Variants in MKI67 observed in about 807,000 individuals in gnomAD.
MKI67 encodes the protein marker of proliferation Ki-67.
Under a neutral mutation model 233.5 loss-of-function variants are expected in MKI67, and 152 were observed. The observed-to-expected ratio is 0.65, with a 90% CI of 0.57 to 0.74. MKI67 has a LOEUF of 0.74. MKI67 is among the 30% of genes least tolerant of loss of function. MKI67 has a pLI of 0.00. For missense variants in MKI67, 3,940 were observed against 3,885.2 expected (o/e 1.01, Z -0.37); for synonymous variants, 1,465 against 1,418.5 (o/e 1.03, Z -0.74).
At chr10:128,120,319 C>T (rs932602232) in intron 4 of MKI67, among the ~76,000 whole-genome samples, 8 of 152,018 alleles carry the variant, frequency 5.3e-5, no homozygotes, top group Non-Finnish European at 5.9e-5. Context: ...GGTGAAACGC[C>T]GTCTCTACTA....
In MKI67 at chr10:128,102,632, T is replaced by C. The variant is rs1393214145; in HGVS notation, c.9208A>G (p.Met3070Val). 6.2e-7 allele frequency: 1 copy of C among 1,614,254 alleles called. No homozygotes were observed. The highest frequency in any genetic ancestry group is 8.5e-7 in the Non-Finnish European group (1 of 1,180,040). ...EPAEELNSND[M>V]KTNKEEHKLQ... ...TTGTGTTCCTCTTTGTTGGTTTTCA[T>C]GTCGTTGCTGTTCAGCTCTTCCGCA... The change falls in exon 13 of 15, where the codon ATG becomes GTG. Residue 3070 changes from methionine to valine, a missense_variant. Met to Val is a conservative substitution (Grantham distance 21). Transcript: ENST00000368654.
In MKI67 at chr10:128,106,785, G is replaced by T; in HGVS notation, c.5055C>A (p.Asp1685Glu). 2 of 1,614,138 alleles carry T rather than the reference G, an allele frequency of 1.2e-6. No individual in the cohort carries two copies. Among genetic ancestry groups the T allele is most frequent in the African/African-American group, 1.3e-5 (1 of 75,038 alleles). ...AFMESPKQIL[D>E]SAASLTGSKR... is the part of the protein sequence containing the mutation. ...TGCTGCCAGTTAGACTTGCTGCTGA[G>T]TCTAAGATCTGCTTTGGAGACTCCA... The change falls in exon 13 of 15, where the codon GAC (aspartate) becomes GAA (glutamate). Residue 1685 changes from aspartate (D) to glutamate (E), a missense_variant. Physicochemically the swap from Asp to Glu is conservative, Grantham distance 45. Transcript: ENST00000368654.
At chr10:128,122,395 C>A (rs78112735) in intron 4 of MKI67, among the ~76,000 whole-genome samples, 9,363 of 152,180 alleles carry the variant, frequency 0.062, 382 homozygotes, top group Non-Finnish European at 0.094. Context: ...TTTTTAAATG[C>A]CCTCTTTCCA....
intron 12 of MKI67, 43 bp from the exon 13 acceptor site, chr10:128,109,466 T>A (rs1174520560): frequency 6.4e-7 from 1 of 1,561,840 alleles, no homozygotes; most frequent in African/African-American, 1.4e-5. Context: ...TATTAGTGTC[T>A]CATGTCAATC....
intron 14 of MKI67, 115 bp from the exon 15 acceptor site, chr10:128,099,370 C>G: frequency 1.8e-6 from 1 of 556,738 alleles, no homozygotes; most frequent in Non-Finnish European, 3.0e-6. Context: ...TCCTTAGTTG[C>G]AGAAAATTAA....
At position 128,103,380 on chromosome 10, in the gene MKI67, G is replaced by A. The variant is rs1852390011; in HGVS notation, c.8460C>T (p.Thr2820=). 1 of 1,613,838 alleles carries A rather than the reference G, an allele frequency of 6.2e-7. No homozygotes were observed. The highest frequency in any genetic ancestry group is 8.5e-7 in the Non-Finnish European group (1 of 1,180,000). The stretch of plus-strand genomic sequence containing the variant: ...GTGATGATTTGCAGGGTATTTTAGT[G>A]GTTTTGTCATCAGTCATTGATTCTT... ...HTEESMTDDK[T]TKIPCKSSPE... is the part of the protein sequence containing the mutation. The change falls in exon 13 of 15, where the codon ACC becomes ACT. Residue 2820 remains threonine (T), a synonymous_variant. Coordinates refer to ENST00000368654, the MANE Select transcript of MKI67 (RefSeq NM_002417.5).
rs1268957867 is a variant in MKI67, at chr10:128,105,397, T to C, written c.6443A>G (p.Lys2148Arg). 1 of 1,614,102 alleles carries C rather than the reference T, an allele frequency of 6.2e-7. No individual in the cohort carries two copies. The highest frequency in any genetic ancestry group is 1.1e-5 in the South Asian group (1 of 91,082). The change falls in exon 13 of 15, where the codon AAA (lysine) becomes AGA (arginine). Residue 2148 changes from lysine (K) to arginine (R), a missense_variant. By Grantham distance (26) the Lys-to-Arg change is conservative. Coordinates refer to ENST00000368654, the MANE Select transcript of MKI67 (RefSeq NM_002417.5). ...KQLTQTTHTD[K>R]VPGDEDKGIN... ...GCCTTTATCCTCATCTCCTGGTACTTTGTCTGTGTGTGTGGTCTGTGTGAG... is the reference window on the plus strand; with the variant it reads ...GCCTTTATCCTCATCTCCTGGTACTCTGTCTGTGTGTGTGGTCTGTGTGAG...
Position 128,115,166 on chromosome 10 carries a change from C to A in MKI67, c.1242G>T (p.Lys414Asn), listed in dbSNP as rs889718923. 21 of 1,614,066 alleles carry A rather than the reference C, an allele frequency of 1.3e-5. No individual in the cohort carries two copies. The highest frequency in any genetic ancestry group is 1.7e-5 in the Non-Finnish European group (20 of 1,180,046). The change falls in exon 7 of 15, where the codon AAG (lysine) becomes AAT (asparagine). Residue 414 changes from lysine (K) to asparagine (N), a missense_variant. Coordinates refer to ENST00000368654, the MANE Select transcript of MKI67 (RefSeq NM_002417.5). ...TGGTTTTGGAAGAGAGATTTTCTGG[C>A]TTAGTGGCAGAGTCAGCTGCATCTT... Reference protein sequence around the residue: ...KVEDAADSATKPENLSSKTRG... With the variant: ...KVEDAADSATNPENLSSKTRG...
At position 128,112,248 on chromosome 10, in the gene MKI67, C is replaced by T; in HGVS notation, c.1854G>A (p.Gly618=). Residue 618 remains glycine (G), a synonymous_variant, in exon 9 of 15, where the codon GGG becomes GGA. Coordinates refer to ENST00000368654, the MANE Select transcript of MKI67 (RefSeq NM_002417.5). ...KSQTEVPKRG[G]RKSGNLPSKR... The stretch of plus-strand genomic sequence containing the variant: ...TTGAAGGCAGGTTGCCACTCTTTCT[C>T]CCTCCTCTCTTAGGAACCTCTGTCT... 1 of 1,614,224 alleles carries T rather than the reference C, an allele frequency of 6.2e-7. No homozygotes were observed.
Position 128,099,205 on chromosome 10 carries a change from G to A in MKI67, c.9756C>T (p.Asp3252=). The change falls in exon 15 of 15, where the codon GAC becomes GAT. Residue 3252 remains aspartate (D), a synonymous_variant. Coordinates refer to ENST00000368654, the MANE Select transcript of MKI67 (RefSeq NM_002417.5). ...GATTTTTCTGTCAAATATCTTCACTGTCCCTATGACTTCTGGTTCTTATTT... is the reference window on the plus strand; with the variant it reads ...GATTTTTCTGTCAAATATCTTCACTATCCCTATGACTTCTGGTTCTTATTT... ...VKKIRTRSHR[D]SEDI 6.2e-7 allele frequency: 1 copy of A among 1,611,588 alleles called. No homozygotes were observed. Among genetic ancestry groups the A allele is most frequent in the Non-Finnish European group, 8.5e-7 (1 of 1,178,798 alleles).
Position 128,108,387 on chromosome 10 carries a change from G to C in MKI67, c.3453C>G (p.Leu1151=). 1 of 1,614,100 alleles carries C rather than the reference G, an allele frequency of 6.2e-7. No individual in the cohort carries two copies. The highest frequency in any genetic ancestry group is 8.5e-7 in the Non-Finnish European group (1 of 1,180,026). ...ATTCTTCCTCTACATCTGCTTTCCT[G>C]AGACTTCTCTTAGGCCATTGCTTTG... ...TSTKQWPKRS[L]RKADVEEEFL... Residue 1151 remains leucine, a synonymous_variant, in exon 13 of 15, where the codon CTC becomes CTG. Transcript: ENST00000368654.
Position 128,122,987 on chromosome 10 carries a change from G to A in MKI67, c.181C>T (p.His61Tyr). Reference protein sequence around the residue: ...IEIHEQEAILHNFSSTNPTQV... With the variant: ...IEIHEQEAILYNFSSTNPTQV... ...GTTGGATTTGTGGAACTGAAATTAT[G>A]TAATATTGCCTGCAAGTGAAAAGAA... The change falls in exon 4 of 15, where the codon CAT becomes TAT. Residue 61 changes from histidine to tyrosine, a missense_variant. His to Tyr is a moderately conservative substitution (Grantham distance 83). Coordinates refer to ENST00000368654, the MANE Select transcript of MKI67 (RefSeq NM_002417.5). The A allele has an allele frequency of 6.2e-7, 1 of 1,600,652 alleles. No individual in the cohort carries two copies.
Position 128,104,908 on chromosome 10 carries a change from T to C in MKI67, c.6932A>G (p.Gln2311Arg). The change falls in exon 13 of 15, where the codon CAG becomes CGG. Residue 2311 changes from glutamine (Q) to arginine (R), a missense_variant. Coordinates refer to ENST00000368654, the MANE Select transcript of MKI67 (RefSeq NM_002417.5). Reference sequence around the variant, plus strand: ...GAAGCCAGCCAGGTCTTCTAGAGCCTGGGCCTTTTCCTTAGGAGTTTGTGG... The same window carrying C: ...GAAGCCAGCCAGGTCTTCTAGAGCCCGGGCCTTTTCCTTAGGAGTTTGTGG... ...RWPQTPKEKA[Q>R]ALEDLAGFKE... 6.2e-7 allele frequency: 1 copy of C among 1,612,776 alleles called. No homozygotes were observed.
intron 6 of MKI67, 119 bp downstream of exon 6, chr10:128,116,372 C>G (rs2136146535): frequency 1.1e-6 from 1 of 893,300 alleles, no homozygotes; most frequent in East Asian, 2.5e-5. Context: ...ATGACACCTC[C>G]TCCATTTCTG....
chr10:128,101,697 A>G lies in MKI67; in HGVS notation c.9266T>C (p.Ile3089Thr). ...LQDSVPENKG[I>T]SLRSRRQNKT... Reference sequence around the variant, plus strand: ...ATTTTGGCGTCTGGAGCGCAGGGATATTCCCTAAAGAAATGAGAAGACATC... The same window carrying G: ...ATTTTGGCGTCTGGAGCGCAGGGATGTTCCCTAAAGAAATGAGAAGACATC... Residue 3089 changes from isoleucine to threonine, a missense_variant, in exon 14 of 15, where the codon ATA becomes ACA. By Grantham distance (89) the Ile-to-Thr change is moderately conservative. Coordinates refer to ENST00000368654, the MANE Select transcript of MKI67 (RefSeq NM_002417.5). 1 of 1,580,310 alleles carries G rather than the reference A, an allele frequency of 6.3e-7. No individual in the cohort carries two copies. Among genetic ancestry groups the G allele is most frequent in the East Asian group, 2.2e-5 (1 of 44,654 alleles).
chr10:128,105,436 G>A lies in MKI67; in HGVS notation c.6404C>T (p.Ser2135Leu), dbSNP rs774870662. The stretch of plus-strand genomic sequence containing the variant: ...GGTCTGTGTGAGCTGCTTCAGGGCT[G>A]AGAGCTCTTCCACTATATCCCTTTT... ...LGKRDIVEEL[S>L]ALKQLTQTTH... is the part of the protein sequence containing the mutation. The change falls in exon 13 of 15, where the codon TCA (serine) becomes TTA (leucine). Residue 2135 changes from serine (S) to leucine (L), a missense_variant. Physicochemically the swap from Ser to Leu is moderately radical, Grantham distance 145. Coordinates refer to ENST00000368654, the MANE Select transcript of MKI67 (RefSeq NM_002417.5). 1.9e-6 allele frequency: 3 copies of A among 1,613,974 alleles called. No homozygotes were observed. The highest frequency in any genetic ancestry group is 2.5e-6 in the Non-Finnish European group (3 of 1,180,010).
chr10:128,114,535 G>T (rs560338407), intron 7 of MKI67, among the ~76,000 whole-genome samples: 5 of 152,206 alleles, frequency 3.3e-5, no homozygotes, highest in Non-Finnish European at 7.4e-5. Flanking sequence ...GATTACCAGT[G>T]ATTTATTCCA....
Position 128,107,711 on chromosome 10 carries a change from G to C in MKI67, c.4129C>G (p.Pro1377Ala). Residue 1377 changes from proline (P) to alanine (A), a missense_variant, in exon 13 of 15, where the codon CCA (proline) becomes GCA (alanine). Transcript: ENST00000368654. Reference sequence around the variant, plus strand: ...GTTGGGGTGTCTGCTGATTCTGGTGGAGAAGATTCGCAGGGCATTTTAGTA... The same window carrying C: ...GTTGGGGTGTCTGCTGATTCTGGTGCAGAAGATTCGCAGGGCATTTTAGTA... The part of the protein sequence containing the change: ...KTTKMPCESS[P>A]PESADTPTST... The C allele has an allele frequency of 6.2e-7, 1 of 1,613,706 alleles. No homozygotes were observed. Among genetic ancestry groups the C allele is most frequent in the Non-Finnish European group, 8.5e-7 (1 of 1,179,884 alleles).
Position 128,098,828 on chromosome 10 carries a change from G to A in MKI67, c.*362C>T, listed in dbSNP as rs941683389. ...CGAGGATAGTTGTTCCTGCCACCGT[G>A]CCCTGGAGGACATAGGCAAACAAAC... On this transcript the variant is annotated 3_prime_UTR_variant, in exon 15 of 15. Transcript: ENST00000368654. The A allele has an allele frequency of 4.7e-5, 8 of 170,600 alleles. No homozygotes were observed. The highest frequency in any genetic ancestry group is 4.4e-4 in the Admixed American group (7 of 15,944). 10.6% of individuals were successfully genotyped at this position (170,600 alleles called of 1,614,324 possible).
Sources: gnomAD v4.1 joint callset for allele counts (sites outside exome capture counted in the v4.1 genomes callset) on GRCh38, gnomAD v4.1.1 for gene constraint, MANE v1.5 for transcripts, NCBI Gene and HGNC (gene_info 2026-07-23, HGNC 2026-07-21) for gene names.